The following PCNX1 variants were observed in gnomAD, a reference collection of about 807,000 sequenced individuals.
PCNX1 encodes pecanex 1.
PCNX1 carries 78 observed loss-of-function variants against 242.2 expected under a neutral mutation model. That is an observed-to-expected ratio of 0.32 (90% CI 0.27 to 0.39). The LOEUF (loss-of-function observed/expected upper bound fraction) is 0.39, where lower values mean the gene tolerates loss of function less well. PCNX1 is among the 10% of genes least tolerant of loss of function. PCNX1 has a pLI of 1.00. For missense variants in PCNX1, 2,581 were observed against 2,856.5 expected (o/e 0.90, Z 2.20); for synonymous variants, 1,024 against 1,032.9 (o/e 0.99, Z 0.17).
chr14:71,033,363 T>TA, intron 16 of PCNX1, 66 bp from the exon 17 acceptor site: 1 of 790,790 alleles, frequency 1.3e-6, no homozygotes, highest in South Asian at 1.8e-5. Flanking sequence ...AATACGTACA[T>TA]AAAAGGATTA....
chr14:71,022,288 A>G (rs1363892652), intron 12 of PCNX1, among the ~76,000 whole-genome samples: 2 of 152,186 alleles, frequency 1.3e-5, no homozygotes, highest in Non-Finnish European at 2.9e-5. Context: ...TCCATGGTCC[A>G]ATTAATTTTG....
At chr14:71,094,586 C>A (rs913869634) in intron 30 of PCNX1, among the ~76,000 whole-genome samples, 1 of 151,850 alleles carries the variant, frequency 6.6e-6, no homozygotes, top group African/African-American at 2.4e-5. Flanking sequence ...TAGTTCTTTC[C>A]CCACCCCCTC....
At chr14:70,934,047 T>G (rs918532883) in intron 1 of PCNX1, among the ~76,000 whole-genome samples, 11 of 152,228 alleles carry the variant, frequency 7.2e-5, no homozygotes, top group African/African-American at 2.7e-4. Context: ...GAGTATTGTA[T>G]AAAAGATTGC....
chr14:71,084,295 G>A (rs970078870), intron 28 of PCNX1, among the ~76,000 whole-genome samples: 15 of 152,176 alleles, frequency 9.9e-5, no homozygotes, highest in African/African-American at 1.4e-4. Context: ...ACCCCTGCCC[G>A]GGAGGCGTCT....
rs1830926686 is a variant in PCNX1 at position 71,113,285 on chromosome 14, C to T, written c.*3350C>T. 1.3e-5 allele frequency: 2 copies of T among 152,296 alleles called. No individual in the cohort carries two copies. 9.4% of individuals were successfully genotyped at this position (152,296 alleles called of 1,614,324 possible). A position where few individuals can be genotyped will look rare whatever the true frequency, so the allele number is the denominator to read the frequency against. On this transcript the variant is annotated 3_prime_UTR_variant, in exon 36 of 36. Coordinates refer to ENST00000304743, the MANE Select transcript of PCNX1 (RefSeq NM_014982.3). ...ATTTTGGAAAATATTTCAAGTATAT[C>T]TGAACTACTTATAATTCTTAAAACA... is the stretch of plus-strand genomic sequence containing the variant.
At chr14:70,956,385 A>G (rs1386599749) in intron 2 of PCNX1, among the ~76,000 whole-genome samples, 2 of 151,784 alleles carry the variant, frequency 1.3e-5, no homozygotes, top group Admixed American at 1.3e-4. Context: ...TCTACCAAAA[A>G]AATAAATAAA....
At chr14:71,004,051 C>T (rs1035166211) in intron 8 of PCNX1, among the ~76,000 whole-genome samples, 5 of 152,164 alleles carry the variant, frequency 3.3e-5, no homozygotes, top group Admixed American at 1.3e-4. Flanking sequence ...AGTAAACCAC[C>T]GCCTGTGGGC....
intron 1 of PCNX1, among the ~76,000 whole-genome samples, chr14:70,929,437 C>A (rs2056709547): frequency 6.6e-6 from 1 of 152,118 alleles, no homozygotes; most frequent in African/African-American, 2.4e-5. Flanking sequence ...TACTGTTTTT[C>A]ATCCAGTTGT....
At chr14:71,034,226 G>A (rs2060469055) in intron 18 of PCNX1, among the ~76,000 whole-genome samples, 190 bp downstream of exon 18, 1 of 152,084 alleles carries the variant, frequency 6.6e-6, no homozygotes, top group Non-Finnish European at 1.5e-5. Context: ...TCATTCCTCA[G>A]ACTTGGTTTG....
intron 28 of PCNX1, chr14:71,085,459 T>G (rs2061962621): frequency 6.6e-6 from 1 of 152,244 alleles, no homozygotes; most frequent in African/African-American, 2.4e-5. Flanking sequence ...AATATAAATA[T>G]CTGTGTCATA....
At chr14:71,053,143 C>T (rs1296420980) in intron 24 of PCNX1, among the ~76,000 whole-genome samples, 1 of 152,152 alleles carries the variant, frequency 6.6e-6, no homozygotes, top group African/African-American at 2.4e-5. Context: ...ATGATATTTC[C>T]CATTTTGGTG....
chr14:71,108,529 C>G, intron 33 of PCNX1, 75 bp from the exon 34 acceptor site: 2 of 1,220,638 alleles, frequency 1.6e-6, no homozygotes, highest in Non-Finnish European at 2.3e-6. Flanking sequence ...GGGAAAAAGT[C>G]TTAGAAACTG....
chr14:71,042,606 T>TA (rs201790177), intron 19 of PCNX1, among the ~76,000 whole-genome samples: 67 of 151,044 alleles, frequency 4.4e-4, no homozygotes, highest in Middle Eastern at 3.4e-3. Flanking sequence ...TTGGCTGTTT[T>TA]TAAAAAAAAA....
Position 70,978,660 on chromosome 14 carries a change from G to A in PCNX1, c.2311+12G>A, listed in dbSNP as rs754052577. On this transcript the variant is annotated intron_variant, in intron 6 of 35. Transcript: ENST00000304743. ...TGCAGTCAGTGGAGGTAAGTAAACT[G>A]TAAGAAGAGATTTCTGTAAGACTCA... 3.1e-6 allele frequency: 5 copies of A among 1,589,788 alleles called. No individual in the cohort carries two copies. In the African/African-American group the frequency reaches 4.1e-5, roughly 13 times the overall value.
chr14:70,998,039 A>G (rs2059401157), intron 8 of PCNX1, among the ~76,000 whole-genome samples: 1 of 152,204 alleles, frequency 6.6e-6, no homozygotes, highest in South Asian at 2.1e-4. Flanking sequence ...ATGCATATGC[A>G]TAATTTGTTT....
intron 6 of PCNX1, among the ~76,000 whole-genome samples, chr14:70,984,355 T>C (rs1010863674): frequency 6.6e-6 from 1 of 151,498 alleles, no homozygotes; most frequent in Non-Finnish European, 1.5e-5. Flanking sequence ...TATTACATAT[T>C]ATTTCTTTCA....
Position 71,110,358 on chromosome 14 carries a change from G to A in PCNX1, c.*423G>A, listed in dbSNP as rs190281212. On this transcript the variant is annotated 3_prime_UTR_variant, in exon 36 of 36. Transcript: ENST00000304743. ...GAAATTCATTTACCTTGATTTTTAA[G>A]AACAGACCAGTGTAGAAATGTTCCT... 3.3e-6 allele frequency: 1 copy of A among 299,930 alleles called. No individual in the cohort carries two copies. The highest frequency in any genetic ancestry group is 6.5e-6 in the Non-Finnish European group (1 of 154,142). The allele number at this position is 299,930 out of a possible 1,614,324, so 18.6% of individuals were successfully genotyped here.
chr14:70,951,537 G>A (rs564564087), intron 2 of PCNX1, among the ~76,000 whole-genome samples: 7 of 152,080 alleles, frequency 4.6e-5, no homozygotes, highest in African/African-American at 1.7e-4. Context: ...ACCACGCCCA[G>A]CTAATTTTTG....
rs994569175 is a variant in PCNX1 at position 71,075,277 on chromosome 14, C to T, written c.5107-912C>T. Among the ~76,000 whole-genome samples, 6 of 152,080 alleles carry T rather than the reference C, an allele frequency of 3.9e-5. No individual in the cohort carries two copies. The South Asian group carries it at 6.2e-4, about 16-fold the overall frequency. ...AAGTGCTGGGGTTATAGGTGTGAGCCGCCATCCCCAGCCTGAAATTTTCAT... is the reference window on the plus strand; with the variant it reads ...AAGTGCTGGGGTTATAGGTGTGAGCTGCCATCCCCAGCCTGAAATTTTCAT... On this transcript the variant is annotated intron_variant, in intron 27 of 35. Transcript: ENST00000304743.
Sources: gnomAD v4.1 joint callset for allele counts (sites outside exome capture counted in the v4.1 genomes callset) on GRCh38, gnomAD v4.1.1 for gene constraint, MANE v1.5 for transcripts, NCBI Gene and HGNC (gene_info 2026-07-23, HGNC 2026-07-21) for gene names.